The following FAAH2 variants were observed in gnomAD, a reference collection of about 807,000 sequenced individuals.
The protein encoded by FAAH2 is fatty-acid amide hydrolase 2.
Under a neutral mutation model 36.9 loss-of-function variants are expected in FAAH2, and 60 were observed. The observed-to-expected ratio is 1.63, with a 90% CI of 1.32 to 2.02. The LOEUF (loss-of-function observed/expected upper bound fraction) is 2.02. FAAH2 is among the 30% of genes most tolerant of loss of function. FAAH2 has a pLI of 0.00. For synonymous variants in FAAH2, 214 were observed against 143.8 expected, an observed-to-expected ratio of 1.49 and a Z score of -3.49; for missense variants, 689 against 397.5, an observed-to-expected ratio of 1.73 and a Z score of -6.23.
At chrX:57,321,257 G>A (rs1170446636) in intron 3 of FAAH2, among the ~76,000 whole-genome samples, 2 of 110,419 alleles carry the variant, frequency 1.8e-5, no homozygotes, top group African/African-American at 6.6e-5. Context: ...TCTCACTCAG[G>A]AGTGGGAGTT....
chrX:57,324,322 G>T (rs1436943188), intron 3 of FAAH2, among the ~76,000 whole-genome samples: 2 of 111,717 alleles, frequency 1.8e-5, no homozygotes, highest in Non-Finnish European at 3.8e-5. Context: ...TGGCAATGCG[G>T]GCTCTTTTTT....
In FAAH2 at chrX:57,370,647, T is replaced by A. The variant is rs1224019465; in HGVS notation, c.743-8004T>A. On this transcript the variant is annotated intron_variant, in intron 5 of 10. Coordinates refer to ENST00000374900, the MANE Select transcript of FAAH2 (RefSeq NM_174912.4). ...CCCCCAGGCCATGGACCAGTACCAG[T>A]CCATCGCCTGTTAGAAACTGGCTGC... Among the ~76,000 whole-genome samples, 4 of 112,196 alleles carry A rather than the reference T, an allele frequency of 3.6e-5. No homozygotes were observed. The East Asian group carries it at 8.4e-4, about 24-fold the overall frequency.
Position 57,489,057 on chromosome X carries a change from T to G in FAAH2, c.*125T>G. On this transcript the variant is annotated 3_prime_UTR_variant, in exon 11 of 11. Coordinates refer to ENST00000374900, the MANE Select transcript of FAAH2 (RefSeq NM_174912.4). ...ACAACTGGGGAATTTATTGACTCAT[T>G]TAGTTATTCTTTCTACTTTTATTTC... The G allele has an allele frequency of 1.5e-6, 1 of 676,077 alleles. No homozygotes were observed. Among genetic ancestry groups the G allele is most frequent in the East Asian group, 3.7e-5 (1 of 26,685 alleles). 55.7% of individuals were successfully genotyped at this position (676,077 alleles called of 1,213,427 possible). A position where few individuals can be genotyped will look rare whatever the true frequency, so the allele number is the denominator to read the frequency against.
chrX:57,439,107 G>T (rs1218341453), intron 8 of FAAH2, among the ~76,000 whole-genome samples: 1 of 110,509 alleles, frequency 9.0e-6, no homozygotes, highest in Non-Finnish European at 1.9e-5. Context: ...AATCCTTTGG[G>T]TATATACCCA....
chrX:57,132,502 C>G, the FAAH2 span, among the ~76,000 whole-genome samples: 1 of 111,882 alleles, frequency 8.9e-6, no homozygotes, highest in Non-Finnish European at 1.9e-5. Context: ...TGGTGTAGTC[C>G]TTGACTCATA....
chrX:57,275,346 A>C, the FAAH2 span, among the ~76,000 whole-genome samples: 1 of 112,575 alleles, frequency 8.9e-6, no homozygotes, highest in African/African-American at 3.2e-5. Flanking sequence ...CAAGGTGGAA[A>C]GGCCTGAGCC....
the FAAH2 span, among the ~76,000 whole-genome samples, chrX:57,167,879 C>A: frequency 1.8e-5 from 2 of 111,526 alleles, no homozygotes; most frequent in African/African-American, 6.5e-5. Context: ...TTGCAGCAGA[C>A]CAGAGTGGGC....
At chrX:57,439,926 A>G (rs1003736948) in intron 8 of FAAH2, among the ~76,000 whole-genome samples, 7 of 111,196 alleles carry the variant, frequency 6.3e-5, no homozygotes, top group Non-Finnish European at 1.3e-4. Flanking sequence ...ATGTGGCATT[A>G]TTTCTGAGGG....
chrX:57,286,966 A>G lies in FAAH2; in HGVS notation c.141A>G (p.Pro47=). The change falls in exon 1 of 11, where the codon CCA becomes CCG. Residue 47 remains proline, a synonymous_variant. Coordinates refer to ENST00000374900, the MANE Select transcript of FAAH2 (RefSeq NM_174912.4). The stretch of plus-strand genomic sequence containing the variant: ...AGACCCCTCGGCCGGTGACTGAACC[A>G]TTGCTTCTGCTTTCGGGGATGCAGC... ...ASKTPRPVTE[P]LLLLSGMQLA... is the part of the protein sequence containing the mutation. 1 of 1,201,124 alleles carries G rather than the reference A, an allele frequency of 8.3e-7. No homozygotes were observed. Among genetic ancestry groups the G allele is most frequent in the South Asian group, 1.8e-5 (1 of 55,008 alleles).
At chrX:57,322,133 G>C (rs1434027781) in intron 3 of FAAH2, among the ~76,000 whole-genome samples, 1 of 110,761 alleles carries the variant, frequency 9.0e-6, no homozygotes, top group Non-Finnish European at 1.9e-5. Context: ...CTCTTGAGTA[G>C]CTGAGACTAC....
the FAAH2 span, among the ~76,000 whole-genome samples, chrX:57,176,743 G>A: frequency 9.0e-6 from 1 of 111,197 alleles, no homozygotes; most frequent in African/African-American, 3.3e-5. Context: ...TTATTCCATT[G>A]GGTTTGCTTT....
At chrX:57,183,323 A>C in the FAAH2 span, among the ~76,000 whole-genome samples, 2 of 111,939 alleles carry the variant, frequency 1.8e-5, no homozygotes, top group Non-Finnish European at 3.8e-5. Context: ...GAAGTTAGTC[A>C]TAATGTGCAG....
the FAAH2 span, among the ~76,000 whole-genome samples, chrX:57,220,945 C>G: frequency 8.9e-6 from 1 of 112,171 alleles, no homozygotes; most frequent in Non-Finnish European, 1.9e-5. Context: ...TGGCAACTAC[C>G]TTTGCCTCAT....
At chrX:57,240,614 G>T in the FAAH2 span, among the ~76,000 whole-genome samples, 1 of 112,271 alleles carries the variant, frequency 8.9e-6, no homozygotes, top group African/African-American at 3.2e-5. Context: ...GTGCAGTGGG[G>T]TCTGCACATG....
At chrX:57,232,315 T>C in the FAAH2 span, among the ~76,000 whole-genome samples, 2 of 110,507 alleles carry the variant, frequency 1.8e-5, no homozygotes, top group Admixed American at 9.6e-5. Context: ...ATTCAGAAAA[T>C]GGTGTTAAGA....
intron 10 of FAAH2, among the ~76,000 whole-genome samples, chrX:57,475,021 C>T (rs966369124): frequency 2.7e-5 from 3 of 111,456 alleles, no homozygotes; most frequent in Non-Finnish European, 3.8e-5. Context: ...TGTTCATATC[C>T]TTCACCCAAT....
chrX:57,422,477 G>C (rs2056061701), intron 7 of FAAH2, among the ~76,000 whole-genome samples: 1 of 112,288 alleles, frequency 8.9e-6, no homozygotes, highest in South Asian at 3.7e-4. Context: ...AATTCTGCCA[G>C]TTGCTGAGTA....
intron 8 of FAAH2, among the ~76,000 whole-genome samples, chrX:57,434,882 A>G (rs2056377647): frequency 9.0e-6 from 1 of 111,410 alleles, no homozygotes; most frequent in Non-Finnish European, 1.9e-5. Context: ...AGAAAAATGC[A>G]TCTAGTCACC....
chrX:57,336,432 C>G (rs149484085), intron 4 of FAAH2, among the ~76,000 whole-genome samples: 76 of 111,720 alleles, frequency 6.8e-4, no homozygotes, highest in African/African-American at 2.4e-3. Flanking sequence ...TTGGTGGTCT[C>G]TTCACACGGA....
Sources: gnomAD v4.1 joint callset for allele counts (sites outside exome capture counted in the v4.1 genomes callset) on GRCh38, gnomAD v4.1.1 for gene constraint, MANE v1.5 for transcripts, NCBI Gene and HGNC (gene_info 2026-07-23, HGNC 2026-07-21) for gene names.